The following SLC43A2 variants were observed in gnomAD, a reference collection of about 807,000 sequenced individuals.
SLC43A2 encodes solute carrier family 43 member 2.
A neutral mutation model predicts 63.2 loss-of-function variants in SLC43A2; 38 were observed. The ratio of observed to expected loss-of-function variants is 0.60; its 90% CI spans 0.46 to 0.79. The LOEUF (loss-of-function observed/expected upper bound fraction) is 0.79. Ranked by LOEUF, SLC43A2 falls within the 30% of genes least tolerant of loss-of-function variation. SLC43A2 has a pLI of 0.00. For synonymous variants in SLC43A2, 322 were observed against 331.0 expected (o/e 0.97, Z 0.30); for missense variants, 644 against 756.2 (o/e 0.85, Z 1.74).
At chr17:1,604,984 C>A (rs376024904) in intron 5 of SLC43A2, 1 of 1,444,540 alleles carries the variant, frequency 6.9e-7, no homozygotes. Context: ...GCGCGGGCCT[C>A]GAGGGCTGGC....
chr17:1,602,868 C>T (rs960705858), intron 5 of SLC43A2, among the ~76,000 whole-genome samples: 3 of 150,094 alleles, frequency 2.0e-5, no homozygotes, highest in Admixed American at 1.3e-4. Context: ...ATGCGATTCT[C>T]CTGCCTCAGC....
Position 1,571,935 on chromosome 17 carries a change from C to G in SLC43A2, c.*3669G>C, listed in dbSNP as rs1230775913. The G allele has an allele frequency of 6.6e-6, 1 of 152,384 alleles. No individual in the cohort carries two copies. The allele number at this position is 152,384 out of a possible 1,614,324, so 9.4% of individuals were successfully genotyped here. A position where few individuals can be genotyped will look rare whatever the true frequency, so the allele number is the denominator to read the frequency against. ...GACCCAGACTCAGACCCAAGCCCCC[C>G]TCCTCACTGATCAAAACCCCAAGGG... is the stretch of plus-strand genomic sequence containing the variant. On this transcript the variant is annotated 3_prime_UTR_variant, in exon 14 of 14. Coordinates refer to ENST00000301335, the MANE Select transcript of SLC43A2 (RefSeq NM_152346.3). This position sits in a 1 kb window ranked among gnomAD's most constrained non-coding sequence, Gnocchi z 5.2.
intron 10 of SLC43A2, among the ~76,000 whole-genome samples, chr17:1,585,070 G>A (rs1268496066): frequency 5.3e-5 from 8 of 152,130 alleles, no homozygotes; most frequent in East Asian, 3.8e-4. Flanking sequence ...CATCTGAGCC[G>A]GGCGCGGTGC....
At chr17:1,614,434 C>T (rs943848237) in intron 4 of SLC43A2, among the ~76,000 whole-genome samples, 13 of 80,848 alleles carry the variant, frequency 1.6e-4, no homozygotes, top group Middle Eastern at 6.4e-3. Context: ...AACAAAACAA[C>T]AACAACAAAA....
At chr17:1,625,768 G>A (rs113031539) in intron 2 of SLC43A2, among the ~76,000 whole-genome samples, 40 of 152,220 alleles carry the variant, frequency 2.6e-4, no homozygotes, top group African/African-American at 6.0e-4. Flanking sequence ...GCAAAAGTTC[G>A]GGATAAGAAG....
intron 5 of SLC43A2, among the ~76,000 whole-genome samples, chr17:1,609,771 GGAT>G (rs1300028000): frequency 6.6e-6 from 1 of 150,654 alleles, no homozygotes; most frequent in Non-Finnish European, 1.5e-5. Flanking sequence ...TGACAGGAAA[GGAT>G]GTAAAAGATA....
chr17:1,617,999 G>A lies in SLC43A2; in HGVS notation c.161-1230C>T, dbSNP rs979506352. On this transcript the variant is annotated intron_variant, in intron 2 of 13. Transcript: ENST00000301335. ...CGACTTTGATTAGACATGAGGTCAC[G>A]CTGGGAGAGTCAAGGAAACGCTCTT... Among the ~76,000 whole-genome samples the A allele has an allele frequency of 5.9e-5, 9 of 152,236 alleles. No individual in the cohort carries two copies. In the East Asian group the frequency reaches 1.3e-3, roughly 23 times the overall value.
chr17:1,612,294 C>T (rs6502826), intron 5 of SLC43A2, among the ~76,000 whole-genome samples: 116,465 of 152,008 alleles, frequency 0.77, 45,211 homozygotes, highest in East Asian at 0.96. Context: ...TTCAACCCCA[C>T]CTTCCTTCTG....
At chr17:1,615,609 C>G (rs1037212190) in intron 3 of SLC43A2, among the ~76,000 whole-genome samples, 15 of 149,894 alleles carry the variant, frequency 1.0e-4, no homozygotes, top group African/African-American at 3.7e-4. Context: ...TTTGGGAGGC[C>G]GAGGCGGGCA....
chr17:1,626,791 G>A (rs1351872211), intron 2 of SLC43A2, among the ~76,000 whole-genome samples: 1 of 152,214 alleles, frequency 6.6e-6, no homozygotes, highest in Non-Finnish European at 1.5e-5. Flanking sequence ...TGTGAGCTCA[G>A]CTATTATGCA....
intron 2 of SLC43A2, among the ~76,000 whole-genome samples, chr17:1,618,769 G>A (rs936606576): frequency 5.2e-4 from 79 of 152,260 alleles, no homozygotes; most frequent in African/African-American, 1.3e-3. Context: ...TGGATCGCCC[G>A]AGGTCAGGAG....
At position 1,627,887 on chromosome 17, in the gene SLC43A2, C is replaced by G; in HGVS notation, c.-13G>C. On this transcript the variant is annotated 5_prime_UTR_variant, in exon 2 of 14. Transcript: ENST00000301335. Reference sequence around the variant, plus strand: ...GGGTGGGCGCCATGGTGCGGCGCGGCGCGGCTCCGGCTCCGGCTCCGGCTC... The same window carrying G: ...GGGTGGGCGCCATGGTGCGGCGCGGGGCGGCTCCGGCTCCGGCTCCGGCTC... The G allele has an allele frequency of 6.5e-7, 1 of 1,547,626 alleles. No individual in the cohort carries two copies. Among genetic ancestry groups the G allele is most frequent in the Non-Finnish European group, 8.7e-7 (1 of 1,147,200 alleles).
Position 1,627,730 on chromosome 17 carries a change from G to C in SLC43A2, c.145C>G (p.Leu49Val). 6.9e-7 allele frequency: 1 copy of C among 1,445,958 alleles called. No homozygotes were observed. The allele number at this position is 1,445,958 out of a possible 1,614,324, so 89.6% of individuals were successfully genotyped here. ...MLKSEGFYSY[L>V]CTEPENVTNG... ...CTTGTCTCACCTGGCTCGGTACACA[G>C]GTAGGAGTAAAAGCCCTCTGACTTG... Residue 49 changes from leucine to valine, a missense_variant, in exon 2 of 14, where the codon CTG (leucine) becomes GTG (valine). Physicochemically the swap from Leu to Val is conservative, Grantham distance 32 (BLOSUM62 1). Transcript: ENST00000301335.
At chr17:1,581,408 C>A (rs564634527) in intron 11 of SLC43A2, among the ~76,000 whole-genome samples, 1 of 152,194 alleles carries the variant, frequency 6.6e-6, no homozygotes. Flanking sequence ...CAGGGAGGGC[C>A]GGAGGGATGC....
At chr17:1,612,417 C>T (rs768467744) in intron 5 of SLC43A2, among the ~76,000 whole-genome samples, 6 of 152,274 alleles carry the variant, frequency 3.9e-5, no homozygotes, top group Admixed American at 2.0e-4. Context: ...TGCCCGGGCA[C>T]GGAGGAAACA....
At chr17:1,602,712 C>T (rs1158233397) in intron 5 of SLC43A2, among the ~76,000 whole-genome samples, 6 of 150,936 alleles carry the variant, frequency 4.0e-5, no homozygotes, top group Non-Finnish European at 8.8e-5. Flanking sequence ...ATAAATTTTC[C>T]TAGTTTGTCA....
chr17:1,591,222 A>G lies in SLC43A2; in HGVS notation c.931+47T>C, dbSNP rs764347635. Reference sequence around the variant, plus strand: ...GTGGGAATGGGGTGAGCCGATACCCACAGAGCACTCCCTGCCCGTCGCCCG... The same window carrying G: ...GTGGGAATGGGGTGAGCCGATACCCGCAGAGCACTCCCTGCCCGTCGCCCG... On this transcript the variant is annotated intron_variant, in intron 8 of 13. Coordinates refer to ENST00000301335, the MANE Select transcript of SLC43A2 (RefSeq NM_152346.3). 4.4e-6 allele frequency: 7 copies of G among 1,590,614 alleles called. No homozygotes were observed. The East Asian group carries it at 1.3e-4, about 30-fold the overall frequency.
chr17:1,626,014 A>AC (rs397711437), intron 2 of SLC43A2, among the ~76,000 whole-genome samples: 12 of 149,988 alleles, frequency 8.0e-5, no homozygotes, highest in East Asian at 3.9e-4. Flanking sequence ...TTAAAAAAAA[A>AC]CAAAAAACAA....
intron 3 of SLC43A2, among the ~76,000 whole-genome samples, 185 bp from the exon 4 acceptor site, chr17:1,615,219 T>C (rs1440387614): frequency 6.6e-6 from 1 of 151,986 alleles, no homozygotes; most frequent in African/African-American, 2.4e-5. Context: ...GCATTTCTCC[T>C]GCCTCAGCCT....
Sources: allele counts gnomAD v4.1 joint callset (sites outside exome capture counted in the v4.1 genomes callset), GRCh38; gene constraint gnomAD v4.1.1; non-coding constraint Gnocchi (gnomAD v3.1); transcripts MANE v1.5; gene names NCBI Gene and HGNC (gene_info 2026-07-23, HGNC 2026-07-21).